EXT2: variants seen among roughly 807,000 people sequenced by gnomAD.
EXT2 encodes exostosin glycosyltransferase 2, also known as exostosin-2.
Under a neutral mutation model 81.6 loss-of-function variants are expected in EXT2, and 53 were observed. That is an observed-to-expected ratio of 0.65 (90% CI 0.52 to 0.82). EXT2 has a LOEUF of 0.82. EXT2 is among the 40% of genes least tolerant of loss of function. The probability of loss-of-function intolerance (pLI) is 0.00; values close to 1 mark genes in which losing one functional copy is unlikely to be tolerated. For missense variants in EXT2, 774 were observed against 910.2 expected (o/e 0.85, Z 1.93); for synonymous variants, 320 against 340.0 (o/e 0.94, Z 0.65).
intron 10 of EXT2, among the ~76,000 whole-genome samples, chr11:44,230,041 A>G (rs1345795249): frequency 6.6e-6 from 1 of 152,200 alleles, no homozygotes; most frequent in Non-Finnish European, 1.5e-5. Context: ...AAAGAAAAGG[A>G]TGAGGTTGGA....
chr11:44,222,288 T>C (rs907016797), intron 10 of EXT2, among the ~76,000 whole-genome samples: 2 of 152,308 alleles, frequency 1.3e-5, no homozygotes, highest in South Asian at 2.1e-4. Context: ...ACTAAATATA[T>C]CCACAGCAGA....
chr11:44,177,767 C>A (rs973707765), intron 8 of EXT2, among the ~76,000 whole-genome samples: 1 of 151,840 alleles, frequency 6.6e-6, no homozygotes, highest in African/African-American at 2.4e-5. Flanking sequence ...AATAAAGATA[C>A]CCCAGATTTT....
intron 1 of EXT2, among the ~76,000 whole-genome samples, chr11:44,104,073 C>T (rs945555221): frequency 6.6e-5 from 10 of 152,096 alleles, no homozygotes; most frequent in Admixed American, 1.3e-4. Context: ...TAATCTGCAA[C>T]TCATAAAGAT....
chr11:44,105,481 A>G (rs1204040160), intron 1 of EXT2, among the ~76,000 whole-genome samples: 1 of 152,030 alleles, frequency 6.6e-6, no homozygotes, highest in Admixed American at 6.5e-5. Context: ...TAGTAGAGAC[A>G]GGGTTTCACC....
At chr11:44,183,815 G>A (rs1047012983) in intron 8 of EXT2, among the ~76,000 whole-genome samples, 1 of 152,098 alleles carries the variant, frequency 6.6e-6, no homozygotes, top group Non-Finnish European at 1.5e-5. Context: ...CTTCTTCATA[G>A]CATCTTTTTT....
intron 8 of EXT2, among the ~76,000 whole-genome samples, chr11:44,174,196 T>C (rs1955122854): frequency 6.6e-6 from 1 of 152,218 alleles, no homozygotes. Context: ...GATAATTCTA[T>C]TTGTATTTTT....
chr11:44,121,748 C>A (rs186067307), intron 4 of EXT2, among the ~76,000 whole-genome samples: 1 of 152,198 alleles, frequency 6.6e-6, no homozygotes, highest in East Asian at 1.9e-4. Context: ...ACAACTTGGG[C>A]ACCCTTCTCA....
intron 1 of EXT2, among the ~76,000 whole-genome samples, chr11:44,101,540 A>G (rs769494058): frequency 2.0e-5 from 3 of 152,204 alleles, no homozygotes; most frequent in Non-Finnish European, 4.4e-5. Context: ...CGGTGGAGGC[A>G]TCAGAACTAT....
intron 8 of EXT2, among the ~76,000 whole-genome samples, chr11:44,187,230 T>G (rs571970221): frequency 1.3e-5 from 2 of 152,078 alleles, no homozygotes; most frequent in African/African-American, 4.8e-5. Context: ...TTTTGTAGAG[T>G]GCAATGGCAT....
chr11:44,123,319 G>A (rs1230847214), intron 4 of EXT2, among the ~76,000 whole-genome samples: 2 of 152,240 alleles, frequency 1.3e-5, no homozygotes. Context: ...ACAAAAAATG[G>A]ATGGGTTCAC....
chr11:44,147,654 G>A (rs759318692), intron 7 of EXT2, among the ~76,000 whole-genome samples: 15 of 151,680 alleles, frequency 9.9e-5, no homozygotes, highest in Admixed American at 2.6e-4. Flanking sequence ...TCCGCCTCCC[G>A]GGTTCACGCC....
intron 10 of EXT2, among the ~76,000 whole-genome samples, chr11:44,224,341 GATCT>G (rs956646873): frequency 4.9e-4 from 74 of 151,716 alleles, no homozygotes; most frequent in African/African-American, 1.7e-3. Flanking sequence ...TATATCTGGA[GATCT>G]ATCTATCTAT....
intron 10 of EXT2, among the ~76,000 whole-genome samples, chr11:44,208,857 G>A (rs1955614457): frequency 6.6e-6 from 1 of 152,160 alleles, no homozygotes; most frequent in Non-Finnish European, 1.5e-5. Context: ...CCTTCCCTGA[G>A]GATTTTACTG....
At chr11:44,166,857 T>A (rs1455247032) in intron 7 of EXT2, among the ~76,000 whole-genome samples, 3 of 152,212 alleles carry the variant, frequency 2.0e-5, no homozygotes, top group African/African-American at 7.2e-5. Context: ...TCTGCTCGGA[T>A]AAGAAACTGC....
chr11:44,176,467 A>C (rs942202512), intron 8 of EXT2, among the ~76,000 whole-genome samples: 21 of 152,180 alleles, frequency 1.4e-4, no homozygotes, highest in African/African-American at 4.3e-4. Context: ...TATATTCTCT[A>C]TATATTTTTA....
At chr11:44,125,410 G>A (rs770861502) in intron 5 of EXT2, among the ~76,000 whole-genome samples, 2 of 152,090 alleles carry the variant, frequency 1.3e-5, no homozygotes, top group Non-Finnish European at 2.9e-5. Context: ...GGGAGTGGAG[G>A]GGTTTAGGGG....
At chr11:44,098,154 G>A (rs1448772559) in intron 1 of EXT2, among the ~76,000 whole-genome samples, 1 of 152,018 alleles carries the variant, frequency 6.6e-6, no homozygotes, top group African/African-American at 2.4e-5. Flanking sequence ...GTCATCTTCC[G>A]GGGATTTTAA....
chr11:44,182,831 T>A (rs1955254728), intron 8 of EXT2, among the ~76,000 whole-genome samples: 1 of 152,238 alleles, frequency 6.6e-6, no homozygotes, highest in Non-Finnish European at 1.5e-5. Flanking sequence ...TCATCAGTTA[T>A]CCTAATAATG....
chr11:44,161,950 G>C (rs975798936), intron 7 of EXT2, among the ~76,000 whole-genome samples: 1 of 152,182 alleles, frequency 6.6e-6, no homozygotes, highest in African/African-American at 2.4e-5. Flanking sequence ...TCAATGTCAT[G>C]AAAGACAAGG....
Sources: allele counts gnomAD v4.1 joint callset (sites outside exome capture counted in the v4.1 genomes callset), GRCh38; gene constraint gnomAD v4.1.1; transcripts MANE v1.5; gene names NCBI Gene and HGNC (gene_info 2026-07-23, HGNC 2026-07-21).